Variants in ANAPC16 observed in about 807,000 individuals in gnomAD.
ANAPC16 encodes the protein anaphase-promoting complex subunit 16.
ANAPC16 carries 6 observed loss-of-function variants against 13.1 expected under a neutral mutation model. The observed-to-expected ratio is 0.46, with a 90% CI of 0.25 to 0.90. ANAPC16 has a LOEUF of 0.90. ANAPC16 is among the 40% of genes least tolerant of loss of function. The pLI is 0.18. For synonymous variants in ANAPC16, 55 were observed against 51.3 expected, an observed-to-expected ratio of 1.07 and a Z score of -0.31; for missense variants, 113 against 131.1, an observed-to-expected ratio of 0.86 and a Z score of 0.67.
chr10:72,228,208 A>C (rs930180236), intron 2 of ANAPC16, among the ~76,000 whole-genome samples: 3 of 152,066 alleles, frequency 2.0e-5, no homozygotes, highest in African/African-American at 4.8e-5. Context: ...TAACCTTGTG[A>C]ATTAACTTTT....
At chr10:72,216,962 T>C (rs1167863568) in intron 1 of ANAPC16, 2 of 456,050 alleles carry the variant, frequency 4.4e-6, no homozygotes, top group African/African-American at 4.0e-5. Context: ...AAAAAATCCA[T>C]AATGATCCAA....
At position 72,235,173 on chromosome 10, in the gene ANAPC16, G is replaced by A. The variant is rs887276965; in HGVS notation, c.*2057G>A. On this transcript the variant is annotated 3_prime_UTR_variant, in exon 4 of 4. Transcript: ENST00000299381. Reference sequence around the variant, plus strand: ...CTCAAAAAAAAAAAAATAAAGCCGGGCGTGGTGGCTCACGCCTGTAATCCC... The same window carrying A: ...CTCAAAAAAAAAAAAATAAAGCCGGACGTGGTGGCTCACGCCTGTAATCCC... 4.6e-5 allele frequency: 7 copies of A among 151,700 alleles called. No individual in the cohort carries two copies. The highest frequency in any genetic ancestry group is 2.1e-4 in the South Asian group (1 of 4,818). The allele number at this position is 151,700 out of a possible 1,614,324, so 9.4% of individuals were successfully genotyped here. A position where few individuals can be genotyped will look rare whatever the true frequency, so the allele number is the denominator to read the frequency against.
At chr10:72,220,325 C>CAAAAAAAAAAAAAAAAAAA (rs75738117) in intron 1 of ANAPC16, 3 of 63,714 alleles carry the variant, frequency 4.7e-5, no homozygotes, top group African/African-American at 1.6e-4. Flanking sequence ...AACTCCGTCT[C>CAAAAAAAAAAAAAAAAAAA]AAAAAAAAAA....
intron 1 of ANAPC16, among the ~76,000 whole-genome samples, chr10:72,218,326 C>G (rs1859748305): frequency 6.6e-6 from 1 of 150,518 alleles, no homozygotes; most frequent in Non-Finnish European, 1.5e-5. Flanking sequence ...TAATGGAACA[C>G]TAGGCATAAA....
At chr10:72,223,616 C>T (rs1860022531) in intron 1 of ANAPC16, 3 of 238,898 alleles carry the variant, frequency 1.3e-5, no homozygotes, top group Non-Finnish European at 1.6e-5. Flanking sequence ...TCATAAATCA[C>T]CCACAGTCAA....
In ANAPC16 at chr10:72,230,495, G is replaced by C. The variant is rs369264186; in HGVS notation, c.217+55G>C. The stretch of plus-strand genomic sequence containing the variant: ...GTGAGAATAAATTTGCTAGGGGGTG[G>C]ATGAGGCTGTGACAAAAATCCCCAA... On this transcript the variant is annotated intron_variant, in intron 3 of 3. Transcript: ENST00000299381. 2.0e-6 allele frequency: 3 copies of C among 1,488,652 alleles called. No homozygotes were observed. In the African/African-American group the frequency reaches 4.2e-5, roughly 21 times the overall value. The allele number at this position is 1,488,652 out of a possible 1,614,324, so 92.2% of individuals were successfully genotyped here. A position where few individuals can be genotyped will look rare whatever the true frequency, so the allele number is the denominator to read the frequency against.
intron 1 of ANAPC16, chr10:72,220,307 A>G (rs976954040): frequency 1.2e-4 from 17 of 146,940 alleles, no homozygotes; most frequent in African/African-American, 4.3e-4. Flanking sequence ...CCTGGGCAAC[A>G]AGAGGGAAAC....
At chr10:72,227,706 C>T (rs1359764684) in intron 2 of ANAPC16, among the ~76,000 whole-genome samples, 2 of 151,916 alleles carry the variant, frequency 1.3e-5, no homozygotes, top group African/African-American at 4.8e-5. Flanking sequence ...ATCTAACACA[C>T]ATGTACCTGA....
intron 1 of ANAPC16, among the ~76,000 whole-genome samples, chr10:72,222,307 A>G (rs1452353817): frequency 2.0e-5 from 3 of 151,830 alleles, no homozygotes; most frequent in Non-Finnish European, 2.9e-5. Flanking sequence ...AGTCCCAGCT[A>G]CTCAGGAGGT....
chr10:72,232,739 G>A (rs1860359753), intron 3 of ANAPC16, among the ~76,000 whole-genome samples: 1 of 151,628 alleles, frequency 6.6e-6, no homozygotes, highest in South Asian at 2.1e-4. Flanking sequence ...GAGTAGCTGG[G>A]ACTACAGGCG....
intron 1 of ANAPC16, among the ~76,000 whole-genome samples, chr10:72,218,622 C>A (rs1859767001): frequency 6.6e-6 from 1 of 152,122 alleles, no homozygotes; most frequent in Non-Finnish European, 1.5e-5. Context: ...CTGAAGTGAA[C>A]AACTACTTCC....
At chr10:72,224,166 C>T in intron 2 of ANAPC16, 110 bp downstream of exon 2, 2 of 1,176,368 alleles carry the variant, frequency 1.7e-6, no homozygotes, top group Non-Finnish European at 2.3e-6. Context: ...TTCAGCTCCA[C>T]ATTTCATTTC....
intron 2 of ANAPC16, among the ~76,000 whole-genome samples, chr10:72,228,563 CTACCTGCTGTGTTACAAAGGGT>C (rs1860196710): frequency 6.6e-6 from 1 of 152,168 alleles, no homozygotes; most frequent in Non-Finnish European, 1.5e-5. Context: ...TGATGTATTG[CTACCTGCTGTGTTACAAAGGGT>C]TTGATTACAG....
intron 1 of ANAPC16, among the ~76,000 whole-genome samples, chr10:72,219,423 A>G (rs1216272096): frequency 1.3e-5 from 2 of 152,292 alleles, no homozygotes; most frequent in African/African-American, 4.8e-5. Context: ...GAAAAGAGGA[A>G]GAGTGATCTA....
At chr10:72,224,809 C>T (rs1860067511) in intron 2 of ANAPC16, among the ~76,000 whole-genome samples, 1 of 152,104 alleles carries the variant, frequency 6.6e-6, no homozygotes, top group African/African-American at 2.4e-5. Context: ...ATACATTGCC[C>T]TTTTGTGTGA....
chr10:72,217,472 CAAA>C (rs11393524), intron 1 of ANAPC16, among the ~76,000 whole-genome samples: 7 of 84,524 alleles, frequency 8.3e-5, no homozygotes, highest in Admixed American at 1.5e-4. Flanking sequence ...GAATCCGTCT[CAAA>C]AAAAAAAAAA....
chr10:72,231,857 T>C (rs952674453), intron 3 of ANAPC16, among the ~76,000 whole-genome samples: 7 of 151,936 alleles, frequency 4.6e-5, no homozygotes, highest in Non-Finnish European at 1.0e-4. Flanking sequence ...GCCCAGCCTT[T>C]CTTCTTTTAA....
chr10:72,233,169 A>G lies in ANAPC16; in HGVS notation c.*53A>G. 7.1e-7 allele frequency: 1 copy of G among 1,406,062 alleles called. No individual in the cohort carries two copies. The highest frequency in any genetic ancestry group is 1.0e-6 in the Non-Finnish European group (1 of 996,020). The allele number at this position is 1,406,062 out of a possible 1,614,324, so 87.1% of individuals were successfully genotyped here. A position where few individuals can be genotyped will look rare whatever the true frequency, so the allele number is the denominator to read the frequency against. ...GCAGCAAGTGCAAAGCCAGTGGGGG[A>G]CTTTCTCACAGCTTACATAGCCATC... On this transcript the variant is annotated 3_prime_UTR_variant, in exon 4 of 4. Coordinates refer to ENST00000299381, the MANE Select transcript of ANAPC16 (RefSeq NM_173473.4).
chr10:72,230,486 T>A, intron 3 of ANAPC16, 46 bp downstream of exon 3: 4 of 1,543,578 alleles, frequency 2.6e-6, no homozygotes, highest in African/African-American at 1.4e-5. Context: ...ATAAATTTGC[T>A]AGGGGGTGGA....
Sources: allele counts gnomAD v4.1 joint callset (sites outside exome capture counted in the v4.1 genomes callset), GRCh38; gene constraint gnomAD v4.1.1; transcripts MANE v1.5; gene names NCBI Gene and HGNC (gene_info 2026-07-23, HGNC 2026-07-21).